GHR: variants seen among roughly 807,000 people sequenced by gnomAD.
GHR encodes the protein GH receptor.
In GHR, 35 loss-of-function variants were observed where a neutral mutation model predicts 67.1. The ratio of observed to expected loss-of-function variants is 0.52; its 90% CI spans 0.40 to 0.69. GHR has a LOEUF of 0.69. Ranked by LOEUF, GHR falls within the 30% of genes least tolerant of loss-of-function variation. The pLI, the probability that GHR is intolerant of heterozygous loss-of-function variation, is 0.00. For synonymous variants in GHR, 272 were observed against 269.1 expected (o/e 1.01, Z -0.10); for missense variants, 792 against 764.6 (o/e 1.04, Z -0.42).
intron 1 of GHR, among the ~76,000 whole-genome samples, chr5:42,472,334 C>A (rs537552476): frequency 6.6e-6 from 1 of 152,072 alleles, no homozygotes; most frequent in Non-Finnish European, 1.5e-5. Context: ...GACACAGTTG[C>A]CCCCAGAAGT....
At position 42,713,446 on chromosome 5, in the gene GHR, C is replaced by T. The variant is rs910981282; in HGVS notation, c.802C>T (p.Leu268Phe). 3 of 1,442,992 alleles carry T rather than the reference C, an allele frequency of 2.1e-6. No homozygotes were observed. The highest frequency in any genetic ancestry group is 3.3e-5 in the Admixed American group (2 of 59,758). The allele number at this position is 1,442,992 out of a possible 1,614,324, so 89.4% of individuals were successfully genotyped here. The change falls in exon 8 of 10, where the codon CTC (leucine) becomes TTC (phenylalanine). Residue 268 changes from leucine to phenylalanine, a missense_variant. Physicochemically the swap from Leu to Phe is conservative, Grantham distance 22. Transcript: ENST00000230882. Reference protein sequence around the residue: ...TCEEDFYFPWLLIIIFGIFGL... With the variant: ...TCEEDFYFPWFLIIIFGIFGL... The stretch of plus-strand genomic sequence containing the variant: ...TGTTTCAGATTTCTACTTTCCATGG[C>T]TCTTAATTATTATCTTTGGAATATT...
chr5:42,607,331 G>A (rs1267457406), intron 2 of GHR, among the ~76,000 whole-genome samples: 1 of 152,172 alleles, frequency 6.6e-6, no homozygotes, highest in African/African-American at 2.4e-5. Context: ...TGCTATATGT[G>A]TGGTCCCAAC....
At chr5:42,686,246 G>T (rs1438235148) in intron 3 of GHR, among the ~76,000 whole-genome samples, 1 of 152,110 alleles carries the variant, frequency 6.6e-6, no homozygotes, top group East Asian at 1.9e-4. Context: ...AAGATCAAAT[G>T]GTTGTGGATG....
At chr5:42,534,167 T>C (rs924810458) in intron 1 of GHR, among the ~76,000 whole-genome samples, 42 of 96,670 alleles carry the variant, frequency 4.3e-4, no homozygotes, top group African/African-American at 1.7e-3. Flanking sequence ...TATATGTACA[T>C]ATGTATATAT....
intron 3 of GHR, among the ~76,000 whole-genome samples, chr5:42,681,937 A>AC (rs1756902757): frequency 3.4e-5 from 5 of 148,488 alleles, no homozygotes; most frequent in Admixed American, 3.3e-4. Flanking sequence ...CTCCGTCTCA[A>AC]AAAAAAAAAA....
At chr5:42,646,201 G>C (rs1754719225) in intron 3 of GHR, 1 of 279,328 alleles carries the variant, frequency 3.6e-6, no homozygotes, top group Non-Finnish European at 7.3e-6. Flanking sequence ...GAGGTACACT[G>C]AAAATGAAGT....
chr5:42,470,459 A>G (rs1297351225), intron 1 of GHR, among the ~76,000 whole-genome samples: 1 of 152,098 alleles, frequency 6.6e-6, no homozygotes, highest in Non-Finnish European at 1.5e-5. Context: ...TGTATTCCCA[A>G]TAGATTTCCC....
At chr5:42,710,723 C>T (rs1238679097) in intron 6 of GHR, among the ~76,000 whole-genome samples, 1 of 152,072 alleles carries the variant, frequency 6.6e-6, no homozygotes, top group Non-Finnish European at 1.5e-5. Context: ...GGACCTTTTC[C>T]AATTCTGTGA....
chr5:42,718,296 T>C (rs1758822614), intron 9 of GHR, among the ~76,000 whole-genome samples, 157 bp from the exon 10 acceptor site: 1 of 149,978 alleles, frequency 6.7e-6, no homozygotes, highest in Non-Finnish European at 1.5e-5. Flanking sequence ...AAACGTCATA[T>C]GTATTTAAAA....
At chr5:42,679,114 TAA>T (rs1239349408) in intron 3 of GHR, among the ~76,000 whole-genome samples, 4 of 145,232 alleles carry the variant, frequency 2.8e-5, no homozygotes, top group Non-Finnish European at 6.0e-5. Context: ...TATATTATTA[TAA>T]TATATTATAT....
At chr5:42,580,767 A>C (rs1396789353) in intron 2 of GHR, among the ~76,000 whole-genome samples, 1 of 152,186 alleles carries the variant, frequency 6.6e-6, no homozygotes, top group African/African-American at 2.4e-5. Context: ...TAGTTGAAAA[A>C]ATTTATTTGA....
In GHR at chr5:42,615,739, AAC is replaced by A. The variant is rs1011997693; in HGVS notation, c.71-13297_71-13296del. ...AGTAGAAATTTGGAAAAAAACAAAA[AAC>A]AAAAAAAAAAAAACATAGAATTAAT... On this transcript the variant is annotated intron_variant, in intron 2 of 9. Transcript: ENST00000230882. 5.3e-3 allele frequency among the ~76,000 whole-genome samples: 689 copies of A among 130,818 alleles called. 8 individuals carry two copies. Among genetic ancestry groups the A allele is most frequent in the African/African-American group, 0.024 (669 of 28,434 alleles). 85.8% of individuals were successfully genotyped at this position (130,818 alleles called of 152,430 possible).
chr5:42,604,110 T>C (rs1752508250), intron 2 of GHR, among the ~76,000 whole-genome samples: 1 of 152,220 alleles, frequency 6.6e-6, no homozygotes, highest in Non-Finnish European at 1.5e-5. Context: ...GGAAGGGTCA[T>C]GAGTACAGGA....
rs1158830359 is a variant in GHR at position 42,424,171 on chromosome 5, A to AGTGTGTGTGTGTGTGTGT, written c.-12+247_-12+264dup. Among the ~76,000 whole-genome samples the AGTGTGTGTGTGTGTGTGT allele has an allele frequency of 1.6e-3, 157 of 100,580 alleles. 6 individuals are homozygous for AGTGTGTGTGTGTGTGTGT. The highest frequency in any genetic ancestry group is 5.3e-3 in the Middle Eastern group (1 of 190). 66.0% of individuals were successfully genotyped at this position (100,580 alleles called of 152,430 possible). Reference sequence around the variant, plus strand: ...CTGGTGGGTTGTTGTAACCCAATCTAGTGTGTGTGTGTGTGTGTGTGTGTG... The same window carrying AGTGTGTGTGTGTGTGTGT: ...CTGGTGGGTTGTTGTAACCCAATCTAGTGTGTGTGTGTGTGTGTGTGTGTGTGTGTGTGTGTGTGTGTG... On this transcript the variant is annotated intron_variant, in intron 1 of 9. Coordinates refer to ENST00000230882, the MANE Select transcript of GHR (RefSeq NM_000163.5). The surrounding 1 kb of genome is among the most constrained non-coding windows in gnomAD (Gnocchi z 4.1).
chr5:42,436,463 T>C (rs1194310498), intron 1 of GHR, among the ~76,000 whole-genome samples: 1 of 152,186 alleles, frequency 6.6e-6, no homozygotes, highest in Non-Finnish European at 1.5e-5. Context: ...CTTGAATTTG[T>C]GGATTATTTT....
intron 3 of GHR, among the ~76,000 whole-genome samples, chr5:42,651,434 G>C (rs1339541025): frequency 6.6e-6 from 1 of 152,136 alleles, no homozygotes; most frequent in East Asian, 1.9e-4. Context: ...CTGTGAGTGG[G>C]GTTTCAAAGG....
chr5:42,685,608 T>G (rs558511691), intron 3 of GHR, among the ~76,000 whole-genome samples: 84 of 152,174 alleles, frequency 5.5e-4, no homozygotes, highest in African/African-American at 1.6e-3. Flanking sequence ...AGCATCTGTT[T>G]TTTCCTGACT....
intron 3 of GHR, among the ~76,000 whole-genome samples, chr5:42,653,165 T>C (rs1755090667): frequency 1.3e-5 from 2 of 152,088 alleles, no homozygotes; most frequent in Admixed American, 1.3e-4. Flanking sequence ...TAAAATGAGC[T>C]TTAGTATGTG....
intron 1 of GHR, among the ~76,000 whole-genome samples, chr5:42,477,716 T>G (rs1452590787): frequency 6.6e-6 from 1 of 152,206 alleles, no homozygotes; most frequent in African/African-American, 2.4e-5. Context: ...CCTCACCCAC[T>G]TTTTGATGGG....
Sources: allele counts gnomAD v4.1 joint callset (sites outside exome capture counted in the v4.1 genomes callset), GRCh38; gene constraint gnomAD v4.1.1; non-coding constraint Gnocchi (gnomAD v3.1); transcripts MANE v1.5; gene names NCBI Gene and HGNC (gene_info 2026-07-23, HGNC 2026-07-21).